The following ARID4A variants were observed in gnomAD, a reference collection of about 807,000 sequenced individuals.
The protein encoded by ARID4A is AT-rich interactive domain-containing protein 4A.
In ARID4A, 39 loss-of-function variants were observed where a neutral mutation model predicts 148.6. The observed-to-expected ratio is 0.26, with a 90% confidence interval of 0.20 to 0.34. ARID4A has a LOEUF of 0.34. Among genes scored for constraint, ARID4A ranks in the 10% least tolerant of loss-of-function variants. The pLI is 1.00. For missense variants in ARID4A, 1,265 were observed against 1,449.1 expected, an observed-to-expected ratio of 0.87 and a Z score of 2.06; for synonymous variants, 475 against 481.2, an observed-to-expected ratio of 0.99 and a Z score of 0.17.
Position 58,365,512 on chromosome 14 carries a change from T to C in ARID4A, c.3212-6T>C. On this transcript the variant is annotated splice_region_variant and splice_polypyrimidine_tract_variant and intron_variant, in intron 20 of 23. Transcript: ENST00000355431. ...TTTCAACATTCTCTCTTTCCCCTTA[T>C]TTCAGGTCAGAAGAGGCCAAGTGAT... 2 of 1,474,024 alleles carry C rather than the reference T, an allele frequency of 1.4e-6. No homozygotes were observed. The highest frequency in any genetic ancestry group is 1.7e-5 in the Admixed American group (1 of 57,210). The allele number at this position is 1,474,024 out of a possible 1,614,324, so 91.3% of individuals were successfully genotyped here.
rs749743975 is a variant in ARID4A at position 58,329,481 on chromosome 14, A to AT, written c.663-42dup. ...GTTAACATGAACTATTTAAGTGATA[A>AT]TTTTTATTGAATAAATTGTTTTCCT... On this transcript the variant is annotated intron_variant, in intron 9 of 23. Coordinates refer to ENST00000355431, the MANE Select transcript of ARID4A (RefSeq NM_002892.4). The AT allele has an allele frequency of 3.9e-6, 5 of 1,277,066 alleles. No homozygotes were observed. In the South Asian group the frequency reaches 6.1e-5, roughly 16 times the overall value. 79.1% of individuals were successfully genotyped at this position (1,277,066 alleles called of 1,614,324 possible).
intron 13 of ARID4A, 92 bp from the exon 14 acceptor site, chr14:58,346,928 A>AC: frequency 1.7e-5 from 1 of 57,980 alleles, no homozygotes; most frequent in Non-Finnish European, 2.9e-5. Flanking sequence ...ACCCTGTCTC[A>AC]AAAAAAAAAA....
At chr14:58,348,699 G>A (rs1357229340) in intron 15 of ARID4A, among the ~76,000 whole-genome samples, 2 of 152,000 alleles carry the variant, frequency 1.3e-5, no homozygotes, top group Non-Finnish European at 2.9e-5. Flanking sequence ...ATTTTTTGGT[G>A]GAATCATATT....
At chr14:58,365,971 G>C in intron 21 of ARID4A, 53 bp from the exon 22 acceptor site, 1 of 1,428,012 alleles carries the variant, frequency 7.0e-7, no homozygotes, top group Non-Finnish European at 9.6e-7. Context: ...GTTGCATTTT[G>C]ATATTTAAGA....
intron 11 of ARID4A, among the ~76,000 whole-genome samples, chr14:58,332,688 A>G (rs2033596297): frequency 6.6e-6 from 1 of 152,164 alleles, no homozygotes; most frequent in African/African-American, 2.4e-5. Flanking sequence ...TACCTGGCTT[A>G]GTCATTATGG....
intron 11 of ARID4A, among the ~76,000 whole-genome samples, chr14:58,337,208 A>G (rs2033861648): frequency 7.6e-6 from 1 of 132,178 alleles, no homozygotes; most frequent in Non-Finnish European, 1.6e-5. Context: ...TGAACTTTCT[A>G]GAACCTTACA....
chr14:58,330,077 C>T lies in ARID4A; in HGVS notation c.814C>T (p.Leu272Phe). The T allele has an allele frequency of 3.7e-6, 6 of 1,613,116 alleles. No homozygotes were observed. Among genetic ancestry groups the T allele is most frequent in the South Asian group, 1.1e-5 (1 of 90,892 alleles). The change falls in exon 11 of 24, where the codon CTT becomes TTT. Residue 272 changes from leucine to phenylalanine, a missense_variant. Leu to Phe is a conservative substitution (Grantham distance 22). Transcript: ENST00000355431. ...TTGGAAAATGGATATAAGTGAAATC[C>T]TTGAGTCATCCAGTAGTGATGATGA... ...DNWKMDISEI[L>F]ESSSSDDEDG...
intron 7 of ARID4A, among the ~76,000 whole-genome samples, chr14:58,320,073 G>A (rs538508294): frequency 9.7e-4 from 144 of 147,986 alleles, no homozygotes; most frequent in African/African-American, 3.4e-3. Flanking sequence ...TCAGCCTCCC[G>A]AGTAGTCAGA....
At chr14:58,323,871 C>T (rs2033056141) in intron 8 of ARID4A, among the ~76,000 whole-genome samples, 1 of 139,838 alleles carries the variant, frequency 7.2e-6, no homozygotes, top group Non-Finnish European at 1.6e-5. Context: ...TGGCTTTTTA[C>T]TCTATTCCCA....
At chr14:58,332,439 C>A (rs2033582645) in intron 11 of ARID4A, among the ~76,000 whole-genome samples, 2 of 152,038 alleles carry the variant, frequency 1.3e-5, no homozygotes, top group Non-Finnish European at 2.9e-5. Context: ...TAAACTAATT[C>A]TTTTTCTCTG....
Position 58,365,226 on chromosome 14 carries a change from C to A in ARID4A, c.3137C>A (p.Ala1046Glu), listed in dbSNP as rs148486127. The A allele has an allele frequency of 9.9e-6, 16 of 1,613,844 alleles. No homozygotes were observed. The highest frequency in any genetic ancestry group is 1.4e-5 in the Non-Finnish European group (16 of 1,179,966). The change falls in exon 20 of 24, where the codon GCA becomes GAA. Residue 1046 changes from alanine to glutamate, a missense_variant. Physicochemically the swap from Ala to Glu is moderately radical, Grantham distance 107 (BLOSUM62 -1). Coordinates refer to ENST00000355431, the MANE Select transcript of ARID4A (RefSeq NM_002892.4). The stretch of plus-strand genomic sequence containing the variant: ...GAAGGTCTCTGTGAGAGGGAATCGG[C>A]AAATGGATTTGAAACTAATGTTGCC... ...SQEGLCERES[A>E]NGFETNVASG...
At chr14:58,337,246 TTATATATATA>T (rs57605969) in intron 11 of ARID4A, among the ~76,000 whole-genome samples, 987 of 83,828 alleles carry the variant, frequency 0.012, 105 homozygotes, top group African/African-American at 0.038. Context: ...TTCTCTTTAT[TTATATATATA>T]TATATATATA....
Position 58,347,717 on chromosome 14 carries a change from C to G in ARID4A, c.1243C>G (p.Pro415Ala), listed in dbSNP as rs1254864278. The change falls in exon 15 of 24, where the codon CCA (proline) becomes GCA (alanine). Residue 415 changes from proline (P) to alanine (A), a missense_variant. Pro to Ala is a conservative substitution (Grantham distance 27). Transcript: ENST00000355431. ...GTTCAGAACTGTTCATCACCATGAA[C>G]CAAAAGTAAAAGAGGAAAAAAAAGA... is the stretch of plus-strand genomic sequence containing the variant. ...IQFRTVHHHE[P>A]KVKEEKKDLE... is the part of the protein sequence containing the mutation. 6.2e-7 allele frequency: 1 copy of G among 1,613,334 alleles called. No homozygotes were observed. Among genetic ancestry groups the G allele is most frequent in the Non-Finnish European group, 8.5e-7 (1 of 1,179,834 alleles).
intron 23 of ARID4A, 125 bp from the exon 24 acceptor site, chr14:58,371,761 A>G (rs2035625608): frequency 1.3e-6 from 1 of 757,952 alleles, no homozygotes. Flanking sequence ...TTACTCCTTC[A>G]TGTGACATAT....
chr14:58,340,312 C>T (rs1206514421), intron 11 of ARID4A, among the ~76,000 whole-genome samples: 1 of 146,924 alleles, frequency 6.8e-6, no homozygotes, highest in African/African-American at 2.5e-5. Context: ...ATTACAGGTG[C>T]ACGCCAGCAT....
At chr14:58,343,477 C>T (rs958280412) in intron 11 of ARID4A, among the ~76,000 whole-genome samples, 3 of 152,092 alleles carry the variant, frequency 2.0e-5, no homozygotes, top group African/African-American at 4.8e-5. Context: ...CTCTGGACAC[C>T]GAAGACTCAA....
chr14:58,306,471 G>A (rs749626428), intron 5 of ARID4A, among the ~76,000 whole-genome samples: 7 of 152,236 alleles, frequency 4.6e-5, no homozygotes, highest in African/African-American at 7.2e-5. Flanking sequence ...CAAGGGTAAT[G>A]TAGATGTTGC....
chr14:58,317,008 T>C (rs1200905593), intron 5 of ARID4A, among the ~76,000 whole-genome samples: 1 of 151,282 alleles, frequency 6.6e-6, no homozygotes, highest in Non-Finnish European at 1.5e-5. Flanking sequence ...CTGGCTAACA[T>C]GGTGAAACCC....
intron 5 of ARID4A, among the ~76,000 whole-genome samples, chr14:58,317,111 T>A (rs2032475770): frequency 7.0e-6 from 1 of 142,396 alleles, no homozygotes; most frequent in Admixed American, 7.0e-5. Context: ...GAGAATGGCG[T>A]GAACCCGGGA....
Sources: gnomAD v4.1 joint callset for allele counts (sites outside exome capture counted in the v4.1 genomes callset) on GRCh38, gnomAD v4.1.1 for gene constraint, MANE v1.5 for transcripts, NCBI Gene and HGNC (gene_info 2026-07-23, HGNC 2026-07-21) for gene names.